SLC25A21: variants seen among roughly 807,000 people sequenced by gnomAD.
SLC25A21 encodes the protein solute carrier family 25 member 21.
SLC25A21 carries 47 observed loss-of-function variants against 43.8 expected under a neutral mutation model. That is an observed-to-expected ratio of 1.07 (90% CI 0.85 to 1.37). The LOEUF is 1.37. Among genes scored for constraint, SLC25A21 ranks in the 40% most tolerant of loss-of-function variants. The pLI, the probability that SLC25A21 is intolerant of heterozygous loss-of-function variation, is 0.00. For missense variants in SLC25A21, 352 were observed against 350.2 expected (o/e 1.00, Z -0.04); for synonymous variants, 131 against 121.3 (o/e 1.08, Z -0.52).
intron 3 of SLC25A21, among the ~76,000 whole-genome samples, chr14:36,757,744 T>C (rs1315578524): frequency 6.6e-6 from 1 of 152,256 alleles, no homozygotes; most frequent in African/African-American, 2.4e-5. Context: ...CCTCCAGAAA[T>C]GGACTGGTGT....
chr14:36,893,563 C>T (rs1050803905), intron 1 of SLC25A21, among the ~76,000 whole-genome samples: 3 of 152,142 alleles, frequency 2.0e-5, no homozygotes, highest in African/African-American at 7.2e-5. Context: ...TCCCATTTGT[C>T]AATTTTGGCT....
At chr14:37,015,185 T>TC (rs1960823210) in intron 1 of SLC25A21, among the ~76,000 whole-genome samples, 1 of 87,384 alleles carries the variant, frequency 1.1e-5, no homozygotes, top group African/African-American at 4.5e-5. Context: ...ACGCTATCCC[T>TC]CCCCCCTCCC....
At chr14:36,695,195 A>G (rs935944893) in intron 7 of SLC25A21, among the ~76,000 whole-genome samples, 7 of 152,090 alleles carry the variant, frequency 4.6e-5, no homozygotes, top group Non-Finnish European at 1.0e-4. Flanking sequence ...TGTTTTTGTC[A>G]GGTTTGTCAA....
At position 37,106,824 on chromosome 14, in the gene SLC25A21, C is replaced by T. The variant is rs139175791; in HGVS notation, c.70+65457G>A. On this transcript the variant is annotated intron_variant, in intron 1 of 9. Coordinates refer to ENST00000331299, the MANE Select transcript of SLC25A21 (RefSeq NM_030631.4). ...TCCTACCGATATGTGATATCACCCC[C>T]GGCAGCCCAGCTGTAAAATTCCTCT... Among the ~76,000 whole-genome samples, 801 of 152,278 alleles carry T rather than the reference C, an allele frequency of 5.3e-3. 3 individuals are homozygous for T. Among genetic ancestry groups the T allele is most frequent in the Middle Eastern group, 0.01 (3 of 294 alleles).
chr14:36,697,095 T>C (rs1011461927), intron 7 of SLC25A21, among the ~76,000 whole-genome samples: 2 of 152,222 alleles, frequency 1.3e-5, no homozygotes, highest in African/African-American at 4.8e-5. Context: ...GTCCCAGAGA[T>C]TCTGGTATGT....
chr14:36,890,894 T>A (rs1289914194), intron 1 of SLC25A21, among the ~76,000 whole-genome samples: 2 of 152,172 alleles, frequency 1.3e-5, no homozygotes, highest in Admixed American at 1.3e-4. Flanking sequence ...TAATAGTCAA[T>A]GCATGTCGTA....
chr14:37,141,227 T>C (rs1028938871), intron 1 of SLC25A21, among the ~76,000 whole-genome samples: 1 of 152,178 alleles, frequency 6.6e-6, no homozygotes, highest in African/African-American at 2.4e-5. Context: ...TTTTATATAA[T>C]TAATACAACT....
At chr14:37,158,817 C>T (rs1399524063) in intron 1 of SLC25A21, among the ~76,000 whole-genome samples, 1 of 152,078 alleles carries the variant, frequency 6.6e-6, no homozygotes, top group Non-Finnish European at 1.5e-5. Context: ...ATGATATAAT[C>T]TTGTATCTAG....
chr14:37,115,165 C>T (rs1310344470), intron 1 of SLC25A21, among the ~76,000 whole-genome samples: 1 of 152,020 alleles, frequency 6.6e-6, no homozygotes, highest in African/African-American at 2.4e-5. Context: ...ATCTTTTGCC[C>T]GGGGATATAT....
intron 1 of SLC25A21, among the ~76,000 whole-genome samples, chr14:37,093,229 C>T (rs997693544): frequency 1.2e-4 from 18 of 152,244 alleles, no homozygotes; most frequent in African/African-American, 4.1e-4. Flanking sequence ...AATGTTAATA[C>T]ATCCAATCAA....
At chr14:37,053,018 GA>G (rs1451857284) in intron 1 of SLC25A21, among the ~76,000 whole-genome samples, 2 of 152,098 alleles carry the variant, frequency 1.3e-5, no homozygotes, top group African/African-American at 2.4e-5. Context: ...CAGCTTTATT[GA>G]AGCATAATCA....
chr14:37,111,744 A>G (rs1400863007), intron 1 of SLC25A21, among the ~76,000 whole-genome samples: 1 of 152,204 alleles, frequency 6.6e-6, no homozygotes, highest in East Asian at 1.9e-4. Flanking sequence ...TAGAGAAATA[A>G]CTAATTATAA....
At chr14:36,867,108 C>G (rs2138541935) in intron 2 of SLC25A21, among the ~76,000 whole-genome samples, 1 of 152,236 alleles carries the variant, frequency 6.6e-6, no homozygotes, top group East Asian at 1.9e-4. Context: ...CTCGATCCCT[C>G]TCCCCACTTA....
intron 1 of SLC25A21, among the ~76,000 whole-genome samples, chr14:37,043,054 G>C (rs1961508374): frequency 6.6e-6 from 1 of 152,174 alleles, no homozygotes; most frequent in South Asian, 2.1e-4. Context: ...AGTGGCCCAA[G>C]TCAGGACCCC....
intron 2 of SLC25A21, among the ~76,000 whole-genome samples, chr14:36,815,301 C>T (rs61996691): frequency 1.5e-3 from 234 of 151,638 alleles, no homozygotes; most frequent in South Asian, 0.014. Flanking sequence ...CAAATCTGCA[C>T]GTTCTGCATA....
intron 7 of SLC25A21, among the ~76,000 whole-genome samples, chr14:36,704,874 C>T (rs1200535104): frequency 6.6e-6 from 1 of 151,966 alleles, no homozygotes; most frequent in Non-Finnish European, 1.5e-5. Flanking sequence ...GTTATTGTGA[C>T]AAGGATCAGG....
At chr14:36,926,639 G>A (rs1892140923) in intron 1 of SLC25A21, among the ~76,000 whole-genome samples, 1 of 152,064 alleles carries the variant, frequency 6.6e-6, no homozygotes, top group South Asian at 2.1e-4. Flanking sequence ...AGAGTGTTTG[G>A]ACGAGGACAC....
chr14:36,768,517 T>G (rs1443766069), intron 3 of SLC25A21, among the ~76,000 whole-genome samples: 1 of 152,140 alleles, frequency 6.6e-6, no homozygotes, highest in Non-Finnish European at 1.5e-5. Flanking sequence ...TACACAGGCT[T>G]TCTAATTGTG....
chr14:37,064,306 A>G (rs967018290), intron 1 of SLC25A21, among the ~76,000 whole-genome samples: 2 of 152,092 alleles, frequency 1.3e-5, no homozygotes, highest in Non-Finnish European at 2.9e-5. Flanking sequence ...AGGCATTCAG[A>G]CTTGGGCTGA....
Sources: gnomAD v4.1 joint callset for allele counts (sites outside exome capture counted in the v4.1 genomes callset) on GRCh38, gnomAD v4.1.1 for gene constraint, MANE v1.5 for transcripts, NCBI Gene and HGNC (gene_info 2026-07-23, HGNC 2026-07-21) for gene names.